Variants in MKRN2 observed in about 807,000 individuals in gnomAD.
The protein encoded by MKRN2 is E3 ubiquitin-protein ligase makorin-2.
Under a neutral mutation model 45.4 loss-of-function variants are expected in MKRN2, and 32 were observed. That is an observed-to-expected ratio of 0.70 (90% CI 0.53 to 0.95). The LOEUF (loss-of-function observed/expected upper bound fraction) is 0.95, where lower values mean the gene tolerates loss of function less well. Ranked by LOEUF, MKRN2 falls within the 40% of genes least tolerant of loss-of-function variation. MKRN2 has a pLI of 0.00. For synonymous variants in MKRN2, 206 were observed against 192.4 expected (o/e 1.07, Z -0.59); for missense variants, 526 against 536.7 (o/e 0.98, Z 0.20).
intron 5 of MKRN2, among the ~76,000 whole-genome samples, chr3:12,576,187 A>ATGTGTGTGTG (rs1296884589): frequency 4.0e-4 from 51 of 128,846 alleles, no homozygotes; most frequent in African/African-American, 1.7e-3. Context: ...AGGAAACCAT[A>ATGTGTGTGTG]TATGTGTGTG....
chr3:12,557,269 A>G (rs1182091178), intron 1 of MKRN2, 93 bp downstream of exon 1: 2 of 1,467,152 alleles, frequency 1.4e-6, no homozygotes, highest in Non-Finnish European at 1.8e-6. Context: ...ACCTGAGGCT[A>G]GAGCGGGACT....
intron 1 of MKRN2, among the ~76,000 whole-genome samples, chr3:12,567,213 T>TC (rs1553608010): frequency 1.4e-5 from 2 of 147,588 alleles, no homozygotes; most frequent in Admixed American, 6.7e-5. Context: ...CAGCTTGTGT[T>TC]TTTTTTTTTT....
rs1479539805 is a variant in MKRN2 at position 12,576,736 on chromosome 3, G to A, written c.963G>A (p.Gly321=). 3.1e-6 allele frequency: 5 copies of A among 1,593,518 alleles called. No individual in the cohort carries two copies. Among genetic ancestry groups the A allele is most frequent in the Non-Finnish European group, 4.3e-6 (5 of 1,162,172 alleles). The part of the protein sequence containing the change: ...KNELIEAFKQ[G]MGKKACKYFE... ...AGTTGATTGAAGCTTTCAAACAGGG[G>A]ATGGGGTAAGTGCTTTTGAGTTTCG... The change falls in exon 6 of 8, where the codon GGG becomes GGA. Residue 321 remains glycine (G), a synonymous_variant. Transcript: ENST00000170447.
At chr3:12,559,310 A>G (rs1176196036) in intron 1 of MKRN2, among the ~76,000 whole-genome samples, 6 of 152,160 alleles carry the variant, frequency 3.9e-5, no homozygotes, top group Non-Finnish European at 8.8e-5. Context: ...AGCTTTTCTC[A>G]CTTTATTATC....
rs192303041 is a variant in MKRN2 at position 12,560,421 on chromosome 3, G to A, written c.26+3245G>A. 1.3e-3 allele frequency among the ~76,000 whole-genome samples: 194 copies of A among 148,292 alleles called. 1 individual carries two copies. The highest frequency in any genetic ancestry group is 4.4e-3 in the African/African-American group (176 of 39,666). On this transcript the variant is annotated intron_variant, in intron 1 of 7. Transcript: ENST00000170447. ...TGCTTCCTTCCCCCTCAGTGGATCT[G>A]CTGTCACAAGGAGTATAGCCGTAAA...
chr3:12,566,240 C>G (rs1039708363), intron 1 of MKRN2, among the ~76,000 whole-genome samples: 1 of 152,180 alleles, frequency 6.6e-6, no homozygotes, highest in African/African-American at 2.4e-5. Flanking sequence ...GTACCAAGAC[C>G]TAGAATATGC....
At position 12,576,573 on chromosome 3, in the gene MKRN2, G is replaced by T. The variant is rs969871213; in HGVS notation, c.858-58G>T. On this transcript the variant is annotated intron_variant, in intron 5 of 7. Transcript: ENST00000170447. ...GCAGTTGAGCAAGAGGTTTAGCAGA[G>T]AGTGTGCCCAGGCTTCGTAACATGA... 4.0e-6 allele frequency: 5 copies of T among 1,247,656 alleles called. No homozygotes were observed. The Admixed American group carries it at 7.0e-5, about 17-fold the overall frequency. 77.3% of individuals were successfully genotyped at this position (1,247,656 alleles called of 1,614,324 possible).
intron 1 of MKRN2, among the ~76,000 whole-genome samples, chr3:12,557,472 G>A (rs1575512942): frequency 6.6e-6 from 1 of 152,254 alleles, no homozygotes; most frequent in African/African-American, 2.4e-5. Context: ...GCAGGATGCC[G>A]GGGCGCTGTC....
intron 2 of MKRN2, 38 bp from the exon 3 acceptor site, chr3:12,570,033 G>T (rs577268577): frequency 1.3e-6 from 2 of 1,540,260 alleles, no homozygotes; most frequent in Non-Finnish European, 8.8e-7. Flanking sequence ...GTGTGTGGGT[G>T]GCATGTCTGT....
chr3:12,576,615 C>CT lies in MKRN2; in HGVS notation c.858-15dup. On this transcript the variant is annotated splice_polypyrimidine_tract_variant and intron_variant, in intron 5 of 7. Coordinates refer to ENST00000170447, the MANE Select transcript of MKRN2 (RefSeq NM_014160.5). Reference sequence around the variant, plus strand: ...GTAACATGACTTCTCCCTTAGTAATCTAATTCTTATTTCAGGTCTTGTCCA... The same window carrying CT: ...GTAACATGACTTCTCCCTTAGTAATCTTAATTCTTATTTCAGGTCTTGTCCA... 1 of 1,556,386 alleles carries CT rather than the reference C, an allele frequency of 6.4e-7. No homozygotes were observed. Among genetic ancestry groups the CT allele is most frequent in the Non-Finnish European group, 8.9e-7 (1 of 1,128,856 alleles).
intron 1 of MKRN2, chr3:12,560,708 G>C (rs1180979896): frequency 6.6e-6 from 1 of 152,186 alleles, no homozygotes; most frequent in Non-Finnish European, 1.5e-5. Flanking sequence ...AGTCTTTTGG[G>C]TTTACCCAGG....
At chr3:12,578,319 T>C (rs1344235843) in intron 6 of MKRN2, among the ~76,000 whole-genome samples, 1 of 143,320 alleles carries the variant, frequency 7.0e-6, no homozygotes, top group Non-Finnish European at 1.5e-5. Flanking sequence ...CTTCTTTTTT[T>C]TTTTTTTTTT....
At chr3:12,567,738 G>A (rs1337760840) in intron 1 of MKRN2, among the ~76,000 whole-genome samples, 4 of 151,864 alleles carry the variant, frequency 2.6e-5, no homozygotes, top group Non-Finnish European at 4.4e-5. Flanking sequence ...TGATGCGCCC[G>A]CCTTGGCCTC....
chr3:12,574,826 AGGCC>A lies in MKRN2; in HGVS notation c.678_681del (p.Lys226AsnfsTer18). The A allele has an allele frequency of 1.2e-6, 2 of 1,614,056 alleles. No homozygotes were observed. The highest frequency in any genetic ancestry group is 1.7e-6 in the Non-Finnish European group (2 of 1,180,000). On this transcript the variant is annotated frameshift_variant, in exon 5 of 8. Coordinates refer to ENST00000170447, the MANE Select transcript of MKRN2 (RefSeq NM_014160.5). LOFTEE classifies it high-confidence loss of function. ...TTGACGTTCGAACACGAGATGGAAA[AGGCC>A]TTTGCCTTCCAGGCAAGCCAGGACA...
chr3:12,560,413 G>A (rs1186998335), intron 1 of MKRN2, among the ~76,000 whole-genome samples: 3 of 149,938 alleles, frequency 2.0e-5, no homozygotes, highest in Admixed American at 6.7e-5. Flanking sequence ...TTCCCCCTCA[G>A]TGGATCTGCT....
chr3:12,560,478 TAA>T (rs10651248), intron 1 of MKRN2, among the ~76,000 whole-genome samples: 9,483 of 124,882 alleles, frequency 0.076, 419 homozygotes, highest in Admixed American at 0.18. Flanking sequence ...TAGGAAAATG[TAA>T]AAAAAAAAAA....
chr3:12,582,421 A>G lies in MKRN2; in HGVS notation c.*168A>G. The G allele has an allele frequency of 5.0e-6, 4 of 797,512 alleles. No homozygotes were observed. Among genetic ancestry groups the G allele is most frequent in the East Asian group, 5.2e-5 (2 of 38,676 alleles). 49.4% of individuals were successfully genotyped at this position (797,512 alleles called of 1,614,324 possible). On this transcript the variant is annotated 3_prime_UTR_variant, in exon 8 of 8. Coordinates refer to ENST00000170447, the MANE Select transcript of MKRN2 (RefSeq NM_014160.5). ...ATCTCCATTATTACAGCCATGGGGA[A>G]GAGTGAAAGATATAAAGTAACCTAA... is the stretch of plus-strand genomic sequence containing the variant.
At chr3:12,575,252 G>A (rs1306363418) in intron 5 of MKRN2, among the ~76,000 whole-genome samples, 3 of 152,164 alleles carry the variant, frequency 2.0e-5, no homozygotes, top group Admixed American at 1.3e-4. Context: ...GATGATCTGT[G>A]TAAAAAGGTG....
At chr3:12,572,827 C>T (rs549212777) in intron 4 of MKRN2, among the ~76,000 whole-genome samples, 1 of 152,078 alleles carries the variant, frequency 6.6e-6, no homozygotes, top group African/African-American at 2.4e-5. Flanking sequence ...TCAAGTTGTC[C>T]GCCTGCCTTG....
Sources: allele counts gnomAD v4.1 joint callset (sites outside exome capture counted in the v4.1 genomes callset), GRCh38; gene constraint gnomAD v4.1.1; transcripts MANE v1.5; gene names NCBI Gene and HGNC (gene_info 2026-07-23, HGNC 2026-07-21).